Variants in PNPLA1 observed in about 807,000 individuals in gnomAD.
PNPLA1 encodes the protein omega-hydroxyceramide transacylase.
PNPLA1 carries 36 observed loss-of-function variants against 51.7 expected under a neutral mutation model. That is an observed-to-expected ratio of 0.70 (90% CI 0.53 to 0.92). PNPLA1 has a LOEUF of 0.92. Ranked by LOEUF, PNPLA1 falls within the 40% of genes least tolerant of loss-of-function variation. The pLI, the probability that PNPLA1 is intolerant of heterozygous loss-of-function variation, is 0.00. For synonymous variants in PNPLA1, 293 were observed against 280.1 expected (o/e 1.05, Z -0.46); for missense variants, 658 against 682.5 (o/e 0.96, Z 0.40).
chr6:36,295,300 G>A (rs527612669), intron 4 of PNPLA1, 64 bp from the exon 5 acceptor site: 66 of 1,552,460 alleles, frequency 4.3e-5, no homozygotes, highest in Middle Eastern at 1.7e-4. Flanking sequence ...GCCCTGGGTC[G>A]GGGGAACTGT....
chr6:36,262,413 G>A (rs564195600), intron 1 of PNPLA1, among the ~76,000 whole-genome samples: 11 of 152,230 alleles, frequency 7.2e-5, no homozygotes, highest in Admixed American at 6.5e-4. Flanking sequence ...ATAGCTATTG[G>A]AACAAAAGGC....
chr6:36,270,440 G>GA lies in PNPLA1; in HGVS notation c.-17dup. The stretch of plus-strand genomic sequence containing the variant: ...CTGAAGGGTGGCTCCGCCTTCCGCA[G>GA]AAAGTCAGAGGCCGAGGAGATGGAA... On this transcript the variant is annotated 5_prime_UTR_variant, in exon 1 of 9. Transcript: ENST00000636260. 6.4e-7 allele frequency: 1 copy of GA among 1,550,632 alleles called. No individual in the cohort carries two copies. The highest frequency in any genetic ancestry group is 1.2e-5 in the South Asian group (1 of 84,054).
At chr6:36,295,485 T>C in intron 5 of PNPLA1, 61 bp downstream of exon 5, 1 of 1,535,640 alleles carries the variant, frequency 6.5e-7, no homozygotes, top group South Asian at 1.1e-5. Context: ...GTTCAAACAG[T>C]AGAAGGGCTG....
intron 5 of PNPLA1, among the ~76,000 whole-genome samples, chr6:36,298,474 A>G (rs971797259): frequency 6.6e-6 from 1 of 152,230 alleles, no homozygotes; most frequent in Non-Finnish European, 1.5e-5. Flanking sequence ...AGTAGTGTTA[A>G]CTATTTCATA....
chr6:36,302,525 C>T (rs1008354458), intron 6 of PNPLA1, 56 bp downstream of exon 6: 19 of 1,509,374 alleles, frequency 1.3e-5, no homozygotes, highest in African/African-American at 2.8e-5. Context: ...CCTTGGCAAG[C>T]GAGCAAGGAC....
chr6:36,302,803 T>C (rs1024858289), intron 6 of PNPLA1, among the ~76,000 whole-genome samples: 1 of 152,162 alleles, frequency 6.6e-6, no homozygotes, highest in Admixed American at 6.5e-5. Flanking sequence ...GCTGCCTTTT[T>C]TACAAGCCCT....
At chr6:36,307,153 G>C (rs576743415) in intron 7 of PNPLA1, among the ~76,000 whole-genome samples, 1 of 152,246 alleles carries the variant, frequency 6.6e-6, no homozygotes, top group African/African-American at 2.4e-5. Context: ...CACAGCTGCA[G>C]GTATTGAGAG....
At chr6:36,295,027 C>T (rs1440365146) in intron 4 of PNPLA1, among the ~76,000 whole-genome samples, 1 of 152,176 alleles carries the variant, frequency 6.6e-6, no homozygotes, top group Non-Finnish European at 1.5e-5. Context: ...TAAGGGGCAG[C>T]CCAGAGACCT....
rs560913299 is a variant in PNPLA1 at position 36,259,623 on chromosome 6, C to A, written c.-81+16362C>A. ...GAGAAAAAAAAAACACTGTGAGAACCTAATAAGAATGAACATTAATACTAT... is the reference window on the plus strand; with the variant it reads ...GAGAAAAAAAAAACACTGTGAGAACATAATAAGAATGAACATTAATACTAT... On this transcript the variant is annotated intron_variant, in intron 1 of 7. Coordinates refer to the PNPLA1 transcript ENST00000312917. 3.9e-5 allele frequency among the ~76,000 whole-genome samples: 6 copies of A among 151,984 alleles called. No individual in the cohort carries two copies. The East Asian group carries it at 1.2e-3, about 29-fold the overall frequency.
Position 36,293,122 on chromosome 6 carries a change from G to T in PNPLA1, c.500G>T (p.Gly167Val). 1 of 1,613,922 alleles carries T rather than the reference G, an allele frequency of 6.2e-7. No individual in the cohort carries two copies. Among genetic ancestry groups the T allele is most frequent in the Admixed American group, 1.7e-5 (1 of 60,016 alleles). The change falls in exon 3 of 9, where the codon GGT becomes GTT. Residue 167 changes from glycine (G) to valine (V), a missense_variant. Transcript: ENST00000636260. ...YCGLIPPTYR[G>V]VRYIDGGFTG... ...GGCCTCATCCCCCCGACTTACCGCGGTGTGGTGAGTGCTTCGGCATGGTGA... is the reference window on the plus strand; with the variant it reads ...GGCCTCATCCCCCCGACTTACCGCGTTGTGGTGAGTGCTTCGGCATGGTGA...
chr6:36,286,581 T>C (rs1208314489), intron 1 of PNPLA1, among the ~76,000 whole-genome samples: 2 of 152,000 alleles, frequency 1.3e-5, no homozygotes, highest in Non-Finnish European at 2.9e-5. Context: ...AAAAAAAAAG[T>C]TTAAATTAAA....
chr6:36,264,467 C>T (rs567090373), intron 1 of PNPLA1, among the ~76,000 whole-genome samples: 2 of 152,032 alleles, frequency 1.3e-5, no homozygotes, highest in South Asian at 2.1e-4. Flanking sequence ...ATTTATAAAA[C>T]GATAGTATAT....
chr6:36,265,601 G>C (rs1561851499), upstream of PNPLA1, among the ~76,000 whole-genome samples: 1 of 151,954 alleles, frequency 6.6e-6, no homozygotes, highest in Non-Finnish European at 1.5e-5. Context: ...TCAAAATAAG[G>C]GCTACATTTT....
intron 6 of PNPLA1, among the ~76,000 whole-genome samples, chr6:36,305,996 C>G (rs1262877288): frequency 6.6e-6 from 1 of 152,124 alleles, no homozygotes; most frequent in Non-Finnish European, 1.5e-5. Context: ...CTCAAGTGAT[C>G]TGCCCGCCTT....
At chr6:36,244,452 A>G (rs937029107) in intron 1 of PNPLA1, among the ~76,000 whole-genome samples, 3 of 151,318 alleles carry the variant, frequency 2.0e-5, no homozygotes, top group Non-Finnish European at 4.4e-5. Flanking sequence ...TTTCCCTGTC[A>G]GTTCATAAAA....
intron 1 of PNPLA1, among the ~76,000 whole-genome samples, chr6:36,279,571 G>C (rs1447803833): frequency 6.6e-6 from 1 of 152,216 alleles, no homozygotes; most frequent in African/African-American, 2.4e-5. Context: ...GTGGAGAATA[G>C]AGTTCCCAGG....
At chr6:36,309,442 G>A (rs906781312) in intron 8 of PNPLA1, among the ~76,000 whole-genome samples, 1 of 152,122 alleles carries the variant, frequency 6.6e-6, no homozygotes, top group African/African-American at 2.4e-5. Context: ...ATCTGCGGTG[G>A]GTGTGGGGAG....
chr6:36,297,068 G>A (rs1021177304), intron 5 of PNPLA1, among the ~76,000 whole-genome samples: 3 of 152,064 alleles, frequency 2.0e-5, no homozygotes, highest in South Asian at 2.1e-4. Flanking sequence ...AGTCAGTCCC[G>A]CCTACTGCTG....
chr6:36,280,182 G>A (rs1371726649), intron 1 of PNPLA1, among the ~76,000 whole-genome samples: 5 of 152,200 alleles, frequency 3.3e-5, no homozygotes, highest in African/African-American at 1.2e-4. Context: ...CTCCAGCCTG[G>A]CAACACAGCA....
Sources: allele counts gnomAD v4.1 joint callset (sites outside exome capture counted in the v4.1 genomes callset), GRCh38; gene constraint gnomAD v4.1.1; transcripts MANE v1.5; gene names NCBI Gene and HGNC (gene_info 2026-07-23, HGNC 2026-07-21).